Variants in PCDHGA9 observed in about 807,000 individuals in gnomAD.
The protein encoded by PCDHGA9 is protocadherin gamma-A9.
In PCDHGA9, 37 loss-of-function variants were observed where a neutral mutation model predicts 62.5. That is an observed-to-expected ratio of 0.59 (90% CI 0.46 to 0.78). PCDHGA9 has a LOEUF of 0.78. Ranked by LOEUF, PCDHGA9 falls within the 30% of genes least tolerant of loss-of-function variation. The probability of loss-of-function intolerance (pLI) is 0.00; values close to 1 mark genes in which losing one functional copy is unlikely to be tolerated. For missense variants in PCDHGA9, 1,138 were observed against 1,166.2 expected (o/e 0.98, Z 0.35); for synonymous variants, 459 against 484.6 (o/e 0.95, Z 0.69).
In PCDHGA9 at chr5:141,490,363, C is replaced by G; in HGVS notation, c.2425-4444C>G. 3 of 1,614,154 alleles carry G rather than the reference C, an allele frequency of 1.9e-6. No homozygotes were observed. Among genetic ancestry groups the G allele is most frequent in the Non-Finnish European group, 2.5e-6 (3 of 1,180,032 alleles). On this transcript the variant is annotated intron_variant, in intron 1 of 3. Transcript: ENST00000573521. This position sits in a 1 kb window ranked among gnomAD's most constrained non-coding sequence, Gnocchi z 5.4. ...CACAGTAGTGGGGTTGTTTAATGTGCGAGACCGGGACTCAGGTAGAAATGG... is the reference window on the plus strand; with the variant it reads ...CACAGTAGTGGGGTTGTTTAATGTGGGAGACCGGGACTCAGGTAGAAATGG...
At position 141,402,874 on chromosome 5, in the gene PCDHGA9, C is replaced by T; in HGVS notation, c.-79C>T. ...TTCTTCTAAGGAAAAGATCACCATA[C>T]TTTGCAGGGTGGAAGAAAGAACCTG... is the stretch of plus-strand genomic sequence containing the variant. On this transcript the variant is annotated 5_prime_UTR_variant, in exon 1 of 4. Transcript: ENST00000573521. The T allele has an allele frequency of 2.7e-6, 4 of 1,460,728 alleles. No homozygotes were observed. Among genetic ancestry groups the T allele is most frequent in the South Asian group, 1.5e-5 (1 of 66,786 alleles). 90.5% of individuals were successfully genotyped at this position (1,460,728 alleles called of 1,614,324 possible).
rs71576115 is a variant in PCDHGA9 at position 141,463,438 on chromosome 5, C to CTTTT, written c.2425-31344_2425-31341dup. Among the ~76,000 whole-genome samples, 106 of 103,254 alleles carry CTTTT rather than the reference C, an allele frequency of 1.0e-3. 8 individuals are homozygous for CTTTT. Among genetic ancestry groups the CTTTT allele is most frequent in the African/African-American group, 3.9e-3 (88 of 22,404 alleles). The allele number at this position is 103,254 out of a possible 152,430, so 67.7% of individuals were successfully genotyped here. ...GTTTGCGGATCCTCATTTCCTTCTC[C>CTTTT]TTTTTTTTTTTTTTTTTTTTTTTTT... is the stretch of plus-strand genomic sequence containing the variant. On this transcript the variant is annotated intron_variant, in intron 1 of 3. Transcript: ENST00000573521.
Position 141,485,274 on chromosome 5 carries a change from C to A in PCDHGA9, c.2425-9533C>A. 1 of 1,614,106 alleles carries A rather than the reference C, an allele frequency of 6.2e-7. No homozygotes were observed. The highest frequency in any genetic ancestry group is 1.3e-5 in the African/African-American group (1 of 75,036). ...TACGTTTGTGGGCAGATCCGCTACC[C>A]GGTCCCAGAGGAGTCACAGGAAGGG... On this transcript the variant is annotated intron_variant, in intron 1 of 3. Transcript: ENST00000573521. The surrounding 1 kb of genome is among the most constrained non-coding windows in gnomAD (Gnocchi z 5.7).
At chr5:141,419,354 C>T in intron 1 of PCDHGA9, 3 of 1,613,828 alleles carry the variant, frequency 1.9e-6, no homozygotes, top group Non-Finnish European at 1.7e-6. Flanking sequence ...CCTGGAGTCA[C>T]GAACGCTGTC....
Position 141,511,656 on chromosome 5 carries a change from C to T in PCDHGA9, c.*483C>T, listed in dbSNP as rs2099883892. On this transcript the variant is annotated 3_prime_UTR_variant, in exon 4 of 4. Transcript: ENST00000573521. ...GGGCATCATGACCTCTTGGCCTCTC[C>T]TTTGATTCTCAATCTTCCCCCAAAG... is the stretch of plus-strand genomic sequence containing the variant. 4.9e-6 allele frequency: 1 copy of T among 206,024 alleles called. No individual in the cohort carries two copies. The highest frequency in any genetic ancestry group is 5.2e-5 in the Admixed American group (1 of 19,114). 12.8% of individuals were successfully genotyped at this position (206,024 alleles called of 1,614,324 possible).
intron 1 of PCDHGA9, chr5:141,409,824 C>A (rs1265260597): frequency 6.2e-7 from 1 of 1,610,742 alleles, no homozygotes; most frequent in Non-Finnish European, 8.5e-7. Flanking sequence ...GGCTCGCCCA[C>A]GCTCAGCGCC....
chr5:141,403,362 G>A lies in PCDHGA9; in HGVS notation c.410G>A (p.Ser137Asn), dbSNP rs200979571. 157 of 1,613,944 alleles carry A rather than the reference G, an allele frequency of 9.7e-5. No homozygotes were observed. Among genetic ancestry groups the A allele is most frequent in the Admixed American group, 4.3e-4 (26 of 60,012 alleles). Residue 137 changes from serine (S) to asparagine (N), a missense_variant, in exon 1 of 4, where the codon AGT becomes AAT. Physicochemically the swap from Ser to Asn is conservative, Grantham distance 46. Transcript: ENST00000573521. ...AGCGCCCCAAAGTTCCAGGCCGAAA[G>A]TCTGGAAGTAAAAATTAACGAAATC... is the stretch of plus-strand genomic sequence containing the variant. ...NDSAPKFQAESLEVKINEIAV... is the reference protein window; with the variant it reads ...NDSAPKFQAENLEVKINEIAV...
At chr5:141,409,690 A>G in intron 1 of PCDHGA9, 1 of 1,613,354 alleles carries the variant, frequency 6.2e-7, no homozygotes. Flanking sequence ...CGAGTGACCT[A>G]GAGCCCCTGG....
In PCDHGA9 at chr5:141,490,692, G is replaced by C. The variant is rs751109998; in HGVS notation, c.2425-4115G>C. 16 of 1,614,154 alleles carry C rather than the reference G, an allele frequency of 9.9e-6. 1 individual carries two copies. The Middle Eastern group carries it at 6.6e-4, about 67-fold the overall frequency. ...TGGCTGCCTCAGATCCAGACACTGG[G>C]GATAATGCCCGCCTCACCTACTCCA... On this transcript the variant is annotated intron_variant, in intron 1 of 3. Transcript: ENST00000573521. This position sits in a 1 kb window ranked among gnomAD's most constrained non-coding sequence, Gnocchi z 5.4.
chr5:141,446,633 C>T (rs2098509543), intron 1 of PCDHGA9, among the ~76,000 whole-genome samples: 4 of 152,208 alleles, frequency 2.6e-5, no homozygotes, highest in East Asian at 1.9e-4. Flanking sequence ...TGCACCACCA[C>T]GCCTGGCTAA....
Position 141,410,521 on chromosome 5 carries a change from A to G in PCDHGA9, c.2424+5145A>G, listed in dbSNP as rs201505796. ...ATTTCCTAAAATGCAGTGTGCCCCT[A>G]CATTCCAATGAAGACATGGTTTGCA... is the stretch of plus-strand genomic sequence containing the variant. On this transcript the variant is annotated intron_variant, in intron 1 of 3. Coordinates refer to ENST00000573521, the MANE Select transcript of PCDHGA9 (RefSeq NM_018921.3). 1,940 of 1,613,966 alleles carry G rather than the reference A, an allele frequency of 1.2e-3. 3 individuals are homozygous for G. Among genetic ancestry groups the G allele is most frequent in the Non-Finnish European group, 1.5e-3 (1,760 of 1,179,896 alleles).
At chr5:141,422,963 C>A (rs372620011) in intron 1 of PCDHGA9, 1 of 1,614,120 alleles carries the variant, frequency 6.2e-7, no homozygotes, top group Non-Finnish European at 8.5e-7. Flanking sequence ...GTGGAGCTGG[C>A]GCCCCGCTCT....
chr5:141,476,584 C>T lies in PCDHGA9; in HGVS notation c.2425-18223C>T. 6.2e-7 allele frequency: 1 copy of T among 1,614,218 alleles called. No individual in the cohort carries two copies. The highest frequency in any genetic ancestry group is 8.5e-7 in the Non-Finnish European group (1 of 1,180,042). ...TGGCTCCGGGGACGCGCTTTCCGCTCGAGAGCGCGCACGATCCCGATGTGG... is the reference window on the plus strand; with the variant it reads ...TGGCTCCGGGGACGCGCTTTCCGCTTGAGAGCGCGCACGATCCCGATGTGG... On this transcript the variant is annotated intron_variant, in intron 1 of 3. Coordinates refer to ENST00000573521, the MANE Select transcript of PCDHGA9 (RefSeq NM_018921.3). The surrounding 1 kb of genome is among the most constrained non-coding windows in gnomAD (Gnocchi z 7.6).
chr5:141,435,066 G>A (rs936110088), intron 1 of PCDHGA9, among the ~76,000 whole-genome samples: 3 of 151,920 alleles, frequency 2.0e-5, no homozygotes, highest in African/African-American at 7.3e-5. Context: ...GCAGTTTTGT[G>A]TAGACCGTCT....
Position 141,494,815 on chromosome 5 carries a change from G to C in PCDHGA9, c.2433G>C (p.Pro811=). 6.2e-7 allele frequency: 1 copy of C among 1,613,976 alleles called. No individual in the cohort carries two copies. The highest frequency in any genetic ancestry group is 8.5e-7 in the Non-Finnish European group (1 of 1,179,982). Residue 811 remains proline, a synonymous_variant, in exon 2 of 4, where the codon CCG becomes CCC. Transcript: ENST00000573521. Reference sequence around the variant, plus strand: ...CTCTGTTTTCTCCACAGCAAGCCCCGCCCAACACGGACTGGCGTTTCTCTC... The same window carrying C: ...CTCTGTTTTCTCCACAGCAAGCCCCCCCCAACACGGACTGGCGTTTCTCTC... ...IEDTPLVPQA[P]PNTDWRFSQA...
rs577323909 is a variant in PCDHGA9 at position 141,419,160 on chromosome 5, C to G, written c.2424+13784C>G. 13 of 1,613,956 alleles carry G rather than the reference C, an allele frequency of 8.1e-6. 1 individual carries two copies. In the South Asian group the frequency reaches 1.4e-4, roughly 18 times the overall value. On this transcript the variant is annotated intron_variant, in intron 1 of 3. Coordinates refer to ENST00000573521, the MANE Select transcript of PCDHGA9 (RefSeq NM_018921.3). ...GACAGGGGCAAGCCTCCGTTATCCT[C>G]CAGCAAAACCATAACCCTGCACATT...
rs2099661624 is a variant in PCDHGA9, at chr5:141,487,712, G to A, written c.2425-7095G>A. The stretch of plus-strand genomic sequence containing the variant: ...AGAGAGTACTGGCCTCTCAGTAAGT[G>A]CCCATAGTGATGTCACCATTTTTGT... On this transcript the variant is annotated intron_variant, in intron 1 of 3. Coordinates refer to ENST00000573521, the MANE Select transcript of PCDHGA9 (RefSeq NM_018921.3). The surrounding 1 kb of genome is among the most constrained non-coding windows in gnomAD (Gnocchi z 5.0). The A allele has an allele frequency of 5.0e-6, 8 of 1,585,892 alleles. No individual in the cohort carries two copies. The highest frequency in any genetic ancestry group is 1.1e-5 in the South Asian group (1 of 87,950).
In PCDHGA9 at chr5:141,402,822, C is replaced by G. The variant is rs1038768509; in HGVS notation, c.-131C>G. On this transcript the variant is annotated 5_prime_UTR_variant, in exon 1 of 4. Transcript: ENST00000573521. ...ACCCGGCAGATACCACAAACCTGCT[C>G]CCAGGCTGCAGCAAAACTCAGCCTC... 7.7e-7 allele frequency: 1 copy of G among 1,302,260 alleles called. No individual in the cohort carries two copies. The highest frequency in any genetic ancestry group is 1.5e-5 in the African/African-American group (1 of 67,126). The allele number at this position is 1,302,260 out of a possible 1,614,324, so 80.7% of individuals were successfully genotyped here.
intron 2 of PCDHGA9, among the ~76,000 whole-genome samples, chr5:141,500,184 TTTTATTTATTTATTTATTTA>T (rs58019021): frequency 1.5e-5 from 2 of 135,966 alleles, no homozygotes; most frequent in Non-Finnish European, 3.2e-5. Flanking sequence ...TCATTTTTAT[TTTTATTTATTTATTTATTTA>T]TTTATTTATT....
Sources: allele counts gnomAD v4.1 joint callset (sites outside exome capture counted in the v4.1 genomes callset), GRCh38; gene constraint gnomAD v4.1.1; non-coding constraint Gnocchi (gnomAD v3.1); transcripts MANE v1.5; gene names NCBI Gene and HGNC (gene_info 2026-07-23, HGNC 2026-07-21).